Variants in TRAPPC8 observed in about 807,000 individuals in gnomAD.
TRAPPC8 encodes the protein general sporulation gene 1 homolog.
In TRAPPC8, 54 loss-of-function variants were observed where a neutral mutation model predicts 174.3. The ratio of observed to expected loss-of-function variants is 0.31; its 90% CI spans 0.25 to 0.39. The LOEUF (loss-of-function observed/expected upper bound fraction) is 0.39. TRAPPC8 is among the 10% of genes least tolerant of loss of function. The pLI, the probability that TRAPPC8 is intolerant of heterozygous loss-of-function variation, is 1.00. For synonymous variants in TRAPPC8, 630 were observed against 579.9 expected, an observed-to-expected ratio of 1.09 and a Z score of -1.24; for missense variants, 1,531 against 1,699.1, an observed-to-expected ratio of 0.90 and a Z score of 1.74.
At position 31,838,558 on chromosome 18, in the gene TRAPPC8, C is replaced by T. The variant is rs192727418; in HGVS notation, c.3983+754G>A. Among the ~76,000 whole-genome samples the T allele has an allele frequency of 5.4e-4, 82 of 152,252 alleles. 1 individual carries two copies. The highest frequency in any genetic ancestry group is 1.9e-4 in the East Asian group (1 of 5,176). On this transcript the variant is annotated intron_variant, in intron 27 of 28. Transcript: ENST00000283351. ...CAGTTTCTTGAAAGGATGGTCAACG[C>T]GGTATCTTTACTTTCTTACCTCCTA... is the stretch of plus-strand genomic sequence containing the variant.
chr18:31,907,717 A>G (rs1262391154), intron 8 of TRAPPC8, 107 bp from the exon 9 acceptor site: 1 of 963,216 alleles, frequency 1.0e-6, no homozygotes, highest in African/African-American at 1.7e-5. Context: ...GAAGAAAACT[A>G]ATGCTGTTTC....
intron 21 of TRAPPC8, among the ~76,000 whole-genome samples, chr18:31,855,241 T>A (rs1598611844): frequency 6.6e-6 from 1 of 152,150 alleles, no homozygotes; most frequent in Non-Finnish European, 1.5e-5. Context: ...GGAATGGCAA[T>A]ATTTCAGAAA....
intron 2 of TRAPPC8, among the ~76,000 whole-genome samples, chr18:31,923,586 A>G (rs951113993): frequency 1.3e-5 from 2 of 152,210 alleles, no homozygotes; most frequent in African/African-American, 4.8e-5. Context: ...CCTTATTAAA[A>G]TGGATAAAAT....
At chr18:31,838,314 T>C (rs1203857193) in intron 27 of TRAPPC8, among the ~76,000 whole-genome samples, 2 of 152,210 alleles carry the variant, frequency 1.3e-5, no homozygotes, top group Non-Finnish European at 2.9e-5. Flanking sequence ...AACCTTGCTC[T>C]TATAACTACC....
At chr18:31,846,951 A>G (rs557148785) in intron 25 of TRAPPC8, 134 bp from the exon 26 acceptor site, 16 of 514,920 alleles carry the variant, frequency 3.1e-5, no homozygotes, top group African/African-American at 7.6e-5. Context: ...CAATGTCACC[A>G]TTTCTACTTT....
intron 25 of TRAPPC8, 129 bp downstream of exon 25, chr18:31,849,437 G>T: frequency 2.4e-6 from 2 of 821,814 alleles, no homozygotes; most frequent in Non-Finnish European, 3.4e-6. Flanking sequence ...ATATGTAACT[G>T]TTAAAGTTTC....
intron 26 of TRAPPC8, among the ~76,000 whole-genome samples, chr18:31,839,881 T>C (rs1028835357): frequency 6.6e-6 from 1 of 152,234 alleles, no homozygotes; most frequent in South Asian, 2.1e-4. Flanking sequence ...CCTATTTTAA[T>C]AGCTGAAAAT....
intron 12 of TRAPPC8, among the ~76,000 whole-genome samples, chr18:31,885,963 G>T (rs937553039): frequency 6.6e-6 from 1 of 151,450 alleles, no homozygotes; most frequent in Non-Finnish European, 1.5e-5. Context: ...ATTTCTGAAC[G>T]GCGCTTGCAA....
chr18:31,891,853 T>C (rs1399437313), intron 11 of TRAPPC8, among the ~76,000 whole-genome samples: 3 of 152,196 alleles, frequency 2.0e-5, no homozygotes, highest in Non-Finnish European at 2.9e-5. Context: ...GCGTCAATCA[T>C]AGAATTATAC....
At chr18:31,844,370 GAACA>G (rs1214275847) in intron 26 of TRAPPC8, 3 of 152,248 alleles carry the variant, frequency 2.0e-5, no homozygotes, top group Admixed American at 6.5e-5. Flanking sequence ...GATTGGAAAG[GAACA>G]AACGCAGAAC....
chr18:31,929,508 CAGAG>C (rs1364924048), intron 2 of TRAPPC8, among the ~76,000 whole-genome samples: 1 of 152,052 alleles, frequency 6.6e-6, no homozygotes, highest in Admixed American at 6.6e-5. Context: ...GCCTGTGTGA[CAGAG>C]AGAGACCTTG....
At chr18:31,941,676 C>G (rs1347952367) in intron 1 of TRAPPC8, among the ~76,000 whole-genome samples, 1 of 152,142 alleles carries the variant, frequency 6.6e-6, no homozygotes, top group Non-Finnish European at 1.5e-5. Flanking sequence ...TGGTACAGCA[C>G]TGATTTTTTT....
intron 11 of TRAPPC8, among the ~76,000 whole-genome samples, chr18:31,894,702 C>A (rs1205404089): frequency 6.6e-6 from 1 of 152,032 alleles, no homozygotes; most frequent in Non-Finnish European, 1.5e-5. Context: ...AAACATCAAA[C>A]AAAAGATGGC....
At chr18:31,868,615 A>G (rs2034696647) in intron 16 of TRAPPC8, among the ~76,000 whole-genome samples, 1 of 152,194 alleles carries the variant, frequency 6.6e-6, no homozygotes, top group African/African-American at 2.4e-5. Context: ...ATTATTAACA[A>G]TGAATATAAA....
rs1430916055 is a variant in TRAPPC8 at position 31,943,093 on chromosome 18, T to C, written c.-329A>G. On this transcript the variant is annotated 5_prime_UTR_variant, in exon 1 of 29. Transcript: ENST00000283351. ...TCACTGCCCGGCCGGAACCGCCATG[T>C]TGAGGCCGAACCCTGACCAACCGGC... 8 of 417,852 alleles carry C rather than the reference T, an allele frequency of 1.9e-5. No homozygotes were observed. The highest frequency in any genetic ancestry group is 2.2e-4 in the South Asian group (2 of 9,012). 25.9% of individuals were successfully genotyped at this position (417,852 alleles called of 1,614,324 possible). A position where few individuals can be genotyped will look rare whatever the true frequency, so the allele number is the denominator to read the frequency against.
At chr18:31,864,918 C>T (rs2034514867) in intron 18 of TRAPPC8, 137 bp from the exon 19 acceptor site, 2 of 774,946 alleles carry the variant, frequency 2.6e-6, no homozygotes, top group Non-Finnish European at 4.0e-6. Context: ...CATGATTAAT[C>T]AAAGAATTTA....
At position 31,893,601 on chromosome 18, in the gene TRAPPC8, TA is replaced by T. The variant is rs1221852631; in HGVS notation, c.1597-2736del. On this transcript the variant is annotated intron_variant, in intron 11 of 28. Coordinates refer to ENST00000283351, the MANE Select transcript of TRAPPC8 (RefSeq NM_014939.5). The stretch of plus-strand genomic sequence containing the variant: ...TGATACCTTAATCATATGCAGTATT[TA>T]AATTCTCATTCCAGCCCATTAATAT... 4.6e-5 allele frequency among the ~76,000 whole-genome samples: 7 copies of T among 152,334 alleles called. No homozygotes were observed. The East Asian group carries it at 1.3e-3, about 29-fold the overall frequency.
intron 27 of TRAPPC8, among the ~76,000 whole-genome samples, chr18:31,833,782 T>A (rs938336921): frequency 3.3e-5 from 5 of 151,968 alleles, no homozygotes; most frequent in South Asian, 4.1e-4. Context: ...GGCGGGCGGA[T>A]CACAAGGTCA....
At chr18:31,874,880 G>C (rs958621445) in intron 12 of TRAPPC8, among the ~76,000 whole-genome samples, 176 bp from the exon 13 acceptor site, 1 of 152,122 alleles carries the variant, frequency 6.6e-6, no homozygotes, top group Non-Finnish European at 1.5e-5. Flanking sequence ...ATTATATATG[G>C]AATGATATAG....
Sources: allele counts gnomAD v4.1 joint callset (sites outside exome capture counted in the v4.1 genomes callset), GRCh38; gene constraint gnomAD v4.1.1; transcripts MANE v1.5; gene names NCBI Gene and HGNC (gene_info 2026-07-23, HGNC 2026-07-21).